BNIP1: variants seen among roughly 807,000 people sequenced by gnomAD.
BNIP1 encodes the protein vesicle transport protein SEC20.
Under a neutral mutation model 28.5 loss-of-function variants are expected in BNIP1, and 25 were observed. The ratio of observed to expected loss-of-function variants is 0.88; its 90% CI spans 0.64 to 1.23. The LOEUF (loss-of-function observed/expected upper bound fraction) is 1.23. BNIP1 is among the 50% of genes most tolerant of loss of function. The pLI is 0.00. For missense variants in BNIP1, 276 were observed against 277.0 expected (o/e 1.00, Z 0.02); for synonymous variants, 118 against 101.7 (o/e 1.16, Z -0.96).
At chr5:173,162,350 G>A (rs1048367751) in intron 5 of BNIP1, among the ~76,000 whole-genome samples, 10 of 152,046 alleles carry the variant, frequency 6.6e-5, no homozygotes, top group African/African-American at 2.4e-4. Context: ...TTGGCCAGGC[G>A]CGGTGGCTCA....
chr5:173,160,625 A>G, intron 5 of BNIP1, among the ~76,000 whole-genome samples: 1 of 152,126 alleles, frequency 6.6e-6, no homozygotes, highest in Non-Finnish European at 1.5e-5. Context: ...CAGAGGTCCC[A>G]GCCCCTCTCC....
intron 2 of BNIP1, among the ~76,000 whole-genome samples, chr5:173,150,652 G>A (rs1759990014): frequency 6.6e-6 from 1 of 151,946 alleles, no homozygotes; most frequent in African/African-American, 2.4e-5. Flanking sequence ...TCTCAGTTAT[G>A]CCCCAGTTTT....
At chr5:173,149,221 A>C (rs547084021) in intron 2 of BNIP1, among the ~76,000 whole-genome samples, 1 of 152,218 alleles carries the variant, frequency 6.6e-6, no homozygotes, top group Non-Finnish European at 1.5e-5. Flanking sequence ...TGATAAAGAC[A>C]TACGTGAGAC....
chr5:173,154,685 G>A (rs781038591), intron 3 of BNIP1, among the ~76,000 whole-genome samples: 11 of 152,054 alleles, frequency 7.2e-5, no homozygotes, highest in Non-Finnish European at 1.0e-4. Context: ...ATCACGCCTG[G>A]CTAATTTTTG....
intron 2 of BNIP1, chr5:173,151,839 A>G (rs556664176): frequency 5.8e-6 from 7 of 1,215,614 alleles, no homozygotes; most frequent in South Asian, 1.9e-5. Flanking sequence ...CATGGCCAGT[A>G]AATGAATAAC....
At chr5:173,155,601 G>A (rs888695587) in intron 3 of BNIP1, among the ~76,000 whole-genome samples, 29 of 152,126 alleles carry the variant, frequency 1.9e-4, no homozygotes, top group African/African-American at 6.8e-4. Context: ...GGGAGGCTGA[G>A]GCAGGAGAAT....
chr5:173,160,696 TGGGGACCC>T, intron 5 of BNIP1: 1 of 416,798 alleles, frequency 2.4e-6, no homozygotes. Flanking sequence ...GTGAGGGCTC[TGGGGACCC>T]ATATGGCCAG....
At chr5:173,160,711 C>A in intron 5 of BNIP1, 1 of 430,982 alleles carries the variant, frequency 2.3e-6, no homozygotes, top group Non-Finnish European at 4.7e-6. Context: ...ACCCATATGG[C>A]CAGGCAAGTT....
chr5:173,155,554 C>T (rs375153919), intron 3 of BNIP1, among the ~76,000 whole-genome samples: 11 of 152,032 alleles, frequency 7.2e-5, no homozygotes, highest in South Asian at 2.1e-4. Context: ...AAAAATTAGC[C>T]GGGTGTGGTG....
chr5:173,147,580 C>T (rs1325238891), intron 2 of BNIP1, among the ~76,000 whole-genome samples: 15 of 114,198 alleles, frequency 1.3e-4, no homozygotes, highest in Non-Finnish European at 2.8e-4. Context: ...ATCCATCACA[C>T]TCCTGGGTTT....
intron 5 of BNIP1, chr5:173,161,249 A>G (rs995437770): frequency 5.8e-5 from 9 of 154,928 alleles, no homozygotes; most frequent in African/African-American, 1.9e-4. Context: ...TAGAAATTAT[A>G]ATTTTGGACC....
chr5:173,153,648 T>A (rs775613072), intron 2 of BNIP1, among the ~76,000 whole-genome samples: 1 of 151,006 alleles, frequency 6.6e-6, no homozygotes, highest in African/African-American at 2.4e-5. Flanking sequence ...CTCAGGGGAG[T>A]TTTTTTTTAA....
At chr5:173,146,763 A>T in intron 1 of BNIP1, 103 bp from the exon 2 acceptor site, 1 of 729,654 alleles carries the variant, frequency 1.4e-6, no homozygotes, top group African/African-American at 1.8e-5. Flanking sequence ...TATAGTTAGT[A>T]TGTTAATATT....
intron 5 of BNIP1, chr5:173,160,975 G>A: frequency 2.5e-6 from 1 of 395,022 alleles, no homozygotes; most frequent in South Asian, 1.8e-5. Flanking sequence ...CAGAAAAAGG[G>A]CGTTTACTCC....
chr5:173,156,891 C>T (rs1265600431), intron 3 of BNIP1, among the ~76,000 whole-genome samples: 2 of 151,478 alleles, frequency 1.3e-5, no homozygotes, highest in African/African-American at 2.4e-5. Context: ...CCTCATGATC[C>T]GCCGGTCTCA....
In BNIP1 at chr5:173,146,958, G is replaced by A. The variant is rs1759856900; in HGVS notation, c.177G>A (p.Gln59=). ...EKFQQLRHRI[Q]DLEQLAKEQD... ...TTCAACAGTTGCGTCACAGAATACAGGTGGGTATTCTCAATTCAGTCAATG... is the reference window on the plus strand; with the variant it reads ...TTCAACAGTTGCGTCACAGAATACAAGTGGGTATTCTCAATTCAGTCAATG... The change falls in exon 2 of 6, where the codon CAG becomes CAA. Residue 59 remains glutamine (Q), a splice_region_variant and synonymous_variant. Transcript: ENST00000351486. 1 of 1,608,234 alleles carries A rather than the reference G, an allele frequency of 6.2e-7. No individual in the cohort carries two copies. The highest frequency in any genetic ancestry group is 1.1e-5 in the South Asian group (1 of 90,972).
chr5:173,144,745 C>A, intron 1 of BNIP1, 116 bp downstream of exon 1: 1 of 1,079,786 alleles, frequency 9.3e-7, no homozygotes, highest in Non-Finnish European at 1.3e-6. Context: ...AGACCACAGG[C>A]TCCGCCCCAT....
At chr5:173,154,532 T>C (rs1337862584) in intron 3 of BNIP1, 119 bp downstream of exon 3, 1 of 787,344 alleles carries the variant, frequency 1.3e-6, no homozygotes, top group African/African-American at 1.8e-5. Context: ...GTCTTTTTTT[T>C]TTTTTTGAGA....
At chr5:173,161,013 G>C (rs928694031) in intron 5 of BNIP1, 1 of 360,066 alleles carries the variant, frequency 2.8e-6, no homozygotes, top group Non-Finnish European at 5.5e-6. Context: ...AATTGCACAC[G>C]TGGACAAAAG....
Sources: gnomAD v4.1 joint callset for allele counts (sites outside exome capture counted in the v4.1 genomes callset) on GRCh38, gnomAD v4.1.1 for gene constraint, MANE v1.5 for transcripts, NCBI Gene and HGNC (gene_info 2026-07-23, HGNC 2026-07-21) for gene names.